The following COMMD1 variants were observed in gnomAD, a reference collection of about 807,000 sequenced individuals.
The protein encoded by COMMD1 is COMM domain-containing protein 1.
A neutral mutation model predicts 17.2 loss-of-function variants in COMMD1; 10 were observed. The ratio of observed to expected loss-of-function variants is 0.58; its 90% CI spans 0.36 to 0.99. The LOEUF is 0.99. COMMD1 is among the 50% of genes least tolerant of loss of function. COMMD1 has a pLI of 0.01. For synonymous variants in COMMD1, 97 were observed against 91.6 expected (o/e 1.06, Z -0.34); for missense variants, 270 against 231.8 (o/e 1.17, Z -1.07).
At chr2:62,002,564 A>T (rs1353660319) in intron 2 of COMMD1, among the ~76,000 whole-genome samples, 2 of 149,954 alleles carry the variant, frequency 1.3e-5, no homozygotes, top group East Asian at 3.9e-4. Flanking sequence ...GCAGTGGCTC[A>T]TCTCTGTAAT....
chr2:61,888,945 C>G (rs1669342468), intron 1 of COMMD1: 1 of 153,244 alleles, frequency 6.5e-6, no homozygotes, highest in African/African-American at 2.5e-5. Flanking sequence ...CACTCTGTTG[C>G]CCAGGCTGGA....
intron 1 of COMMD1, among the ~76,000 whole-genome samples, chr2:61,907,847 C>T (rs990707974): frequency 1.4e-4 from 21 of 152,018 alleles, no homozygotes; most frequent in Admixed American, 1.2e-3. Flanking sequence ...TCCACCACCA[C>T]GCCTGACTAA....
At chr2:61,963,185 T>TTA (rs1553373136) in intron 1 of COMMD1, among the ~76,000 whole-genome samples, 1,486 of 129,752 alleles carry the variant, frequency 0.011, 41 homozygotes, top group African/African-American at 0.046. Context: ...TATATATATA[T>TTA]TATATACACA....
intron 2 of COMMD1, among the ~76,000 whole-genome samples, chr2:62,072,108 A>G (rs530926475): frequency 1.3e-5 from 2 of 151,996 alleles, no homozygotes; most frequent in Non-Finnish European, 2.9e-5. Flanking sequence ...TTACTACACT[A>G]TATATATTTA....
intron 1 of COMMD1, among the ~76,000 whole-genome samples, chr2:61,935,999 T>C (rs1030779419): frequency 6.6e-6 from 1 of 152,102 alleles, no homozygotes; most frequent in African/African-American, 2.4e-5. Flanking sequence ...TGTATTTTAG[T>C]AGAGATAGGG....
intron 1 of COMMD1, among the ~76,000 whole-genome samples, chr2:61,940,410 A>G (rs1322785997): frequency 6.6e-6 from 1 of 152,170 alleles, no homozygotes; most frequent in Non-Finnish European, 1.5e-5. Context: ...AGATTTCATA[A>G]TTCTGTTAAA....
intron 1 of COMMD1, among the ~76,000 whole-genome samples, chr2:61,891,473 C>T (rs916759327): frequency 1.3e-5 from 2 of 152,136 alleles, no homozygotes; most frequent in Non-Finnish European, 2.9e-5. Flanking sequence ...TGGTGGCTCA[C>T]ACTTGTAATC....
intron 1 of COMMD1, among the ~76,000 whole-genome samples, chr2:61,963,595 C>T (rs1671426973): frequency 6.6e-6 from 1 of 152,240 alleles, no homozygotes; most frequent in East Asian, 1.9e-4. Context: ...CTGCCCGCCT[C>T]GGCCTCCCAA....
At chr2:62,034,940 C>T (rs529177027) in intron 2 of COMMD1, among the ~76,000 whole-genome samples, 1 of 152,332 alleles carries the variant, frequency 6.6e-6, no homozygotes, top group African/African-American at 2.4e-5. Context: ...TCTTTGCTCT[C>T]ATGACAGCCA....
chr2:62,082,636 C>T (rs370647608), intron 2 of COMMD1, among the ~76,000 whole-genome samples: 67 of 151,904 alleles, frequency 4.4e-4, no homozygotes, highest in African/African-American at 1.3e-3. Flanking sequence ...CCGAGGCAGG[C>T]GGATCACAAG....
chr2:62,064,463 C>T (rs1043047704), intron 2 of COMMD1, among the ~76,000 whole-genome samples: 1 of 152,182 alleles, frequency 6.6e-6, no homozygotes, highest in Non-Finnish European at 1.5e-5. Flanking sequence ...CATGTGCCAC[C>T]ATGCCGGGTC....
At chr2:61,918,406 C>T (rs1268730592) in intron 1 of COMMD1, among the ~76,000 whole-genome samples, 2 of 152,034 alleles carry the variant, frequency 1.3e-5, no homozygotes, top group South Asian at 4.1e-4. Flanking sequence ...TAACACTGGA[C>T]GTCATATGAT....
intron 1 of COMMD1, among the ~76,000 whole-genome samples, chr2:61,951,747 C>G (rs1462203317): frequency 6.6e-6 from 1 of 152,140 alleles, no homozygotes; most frequent in Non-Finnish European, 1.5e-5. Flanking sequence ...ACATATCTAT[C>G]ACTCCCAAAA....
At chr2:62,118,479 A>G (rs1225776606) in intron 2 of COMMD1, among the ~76,000 whole-genome samples, 1 of 152,200 alleles carries the variant, frequency 6.6e-6, no homozygotes, top group African/African-American at 2.4e-5. Context: ...AGTTAGAGAG[A>G]TTTGGTGACT....
intron 2 of COMMD1, among the ~76,000 whole-genome samples, chr2:62,066,699 C>G (rs1196886143): frequency 6.7e-6 from 1 of 148,854 alleles, no homozygotes; most frequent in Non-Finnish European, 1.5e-5. Context: ...CCGCGCCTGG[C>G]CTAAAGCAAG....
chr2:62,054,484 T>C (rs1670632423), intron 2 of COMMD1, among the ~76,000 whole-genome samples: 1 of 152,142 alleles, frequency 6.6e-6, no homozygotes, highest in African/African-American at 2.4e-5. Context: ...GAAAATGTAG[T>C]ACATATATAC....
chr2:62,025,141 A>T (rs544067169), intron 2 of COMMD1, among the ~76,000 whole-genome samples: 1 of 151,758 alleles, frequency 6.6e-6, no homozygotes, highest in East Asian at 1.9e-4. Context: ...AATCGCTTCA[A>T]CCCGGGAGGT....
chr2:62,125,666 T>C (rs1672866276), intron 2 of COMMD1, among the ~76,000 whole-genome samples: 1 of 152,194 alleles, frequency 6.6e-6, no homozygotes. Flanking sequence ...TAAAGTATTG[T>C]TTTAAGATAC....
At chr2:62,065,438 C>T (rs888377246) in intron 2 of COMMD1, among the ~76,000 whole-genome samples, 1 of 141,944 alleles carries the variant, frequency 7.0e-6, no homozygotes, top group South Asian at 2.4e-4. Flanking sequence ...AGTCTCCCAT[C>T]TCAGCCTCCT....
Sources: allele counts gnomAD v4.1 joint callset (sites outside exome capture counted in the v4.1 genomes callset), GRCh38; gene constraint gnomAD v4.1.1; transcripts MANE v1.5; gene names NCBI Gene and HGNC (gene_info 2026-07-23, HGNC 2026-07-21).